Variants in MID1 observed in about 807,000 individuals in gnomAD.
MID1 encodes E3 ubiquitin-protein ligase Midline-1.
A neutral mutation model predicts 40.4 loss-of-function variants in MID1; 7 were observed. The ratio of observed to expected loss-of-function variants is 0.17; its 90% confidence interval spans 0.10 to 0.33. The LOEUF (loss-of-function observed/expected upper bound fraction) is 0.33, where lower values mean the gene tolerates loss of function less well. MID1 is among the 10% of genes least tolerant of loss of function. The pLI, the probability that MID1 is intolerant of heterozygous loss-of-function variation, is 1.00. For synonymous variants in MID1, 229 were observed against 221.2 expected (o/e 1.04, Z -0.31); for missense variants, 367 against 558.5 (o/e 0.66, Z 3.46).
chrX:10,767,903 A>T (rs1259565427), intron 1 of MID1, among the ~76,000 whole-genome samples: 10 of 112,235 alleles, frequency 8.9e-5, no homozygotes, highest in Non-Finnish European at 1.9e-4. Context: ...CAATGTATTT[A>T]TTAGATTTAT....
At chrX:10,733,076 A>T (rs1179097164) in intron 1 of MID1, among the ~76,000 whole-genome samples, 1 of 110,331 alleles carries the variant, frequency 9.1e-6, no homozygotes, top group Non-Finnish European at 1.9e-5. Flanking sequence ...GTTAGCCAGG[A>T]TGGTCTCGAT....
intron 1 of MID1, among the ~76,000 whole-genome samples, chrX:10,694,284 T>C (rs1375254675): frequency 8.9e-6 from 1 of 112,276 alleles, no homozygotes; most frequent in Non-Finnish European, 1.9e-5. Flanking sequence ...AAAAAGCCGT[T>C]TGTTTCTTTT....
At chrX:10,613,778 CAG>C (rs1397361573) in intron 1 of MID1, among the ~76,000 whole-genome samples, 1 of 77,375 alleles carries the variant, frequency 1.3e-5, no homozygotes, top group African/African-American at 5.1e-5. Flanking sequence ...GACAGACAGA[CAG>C]ACAGACAGAC....
At chrX:10,530,928 C>T (rs1379094864) in intron 2 of MID1, among the ~76,000 whole-genome samples, 1 of 112,126 alleles carries the variant, frequency 8.9e-6, no homozygotes, top group Non-Finnish European at 1.9e-5. Context: ...CAGGAGATTT[C>T]AGTAATTCCT....
At chrX:10,574,252 A>C (rs937368503) in intron 1 of MID1, among the ~76,000 whole-genome samples, 10 of 111,336 alleles carry the variant, frequency 9.0e-5, no homozygotes, top group Non-Finnish European at 1.7e-4. Flanking sequence ...GAATGATGAG[A>C]TATGACAAAG....
chrX:10,820,136 A>G (rs757700617), intron 1 of MID1, among the ~76,000 whole-genome samples: 1 of 112,242 alleles, frequency 8.9e-6, no homozygotes, highest in Non-Finnish European at 1.9e-5. Flanking sequence ...CATTAAAGTG[A>G]TAGTCTTTGC....
At chrX:10,790,837 AC>A (rs973163038) in intron 1 of MID1, among the ~76,000 whole-genome samples, 8 of 112,095 alleles carry the variant, frequency 7.1e-5, no homozygotes, top group African/African-American at 2.3e-4. Context: ...TTCTTCCACA[AC>A]ACCAAATCAT....
At chrX:10,451,051 TGG>T (rs1928302039) in intron 9 of MID1, among the ~76,000 whole-genome samples, 1 of 111,380 alleles carries the variant, frequency 9.0e-6, no homozygotes, top group Non-Finnish European at 1.9e-5. Context: ...ACTTTAAGAG[TGG>T]TGTGTTTGTT....
At chrX:10,486,182 G>A (rs770664140) in intron 4 of MID1, among the ~76,000 whole-genome samples, 1 of 112,436 alleles carries the variant, frequency 8.9e-6, no homozygotes, top group Non-Finnish European at 1.9e-5. Flanking sequence ...AGGTACTAAC[G>A]TGTAATAATA....
intron 1 of MID1, among the ~76,000 whole-genome samples, chrX:10,730,697 G>A (rs375916847): frequency 0.012 from 1,249 of 106,027 alleles, 20 homozygotes; most frequent in African/African-American, 0.041. Context: ...TCAGCCTCCC[G>A]AGTAGCTGGG....
intron 2 of MID1, among the ~76,000 whole-genome samples, chrX:10,560,595 A>G (rs1427707669): frequency 9.0e-6 from 1 of 111,180 alleles, no homozygotes; most frequent in African/African-American, 3.3e-5. Flanking sequence ...GCAGAGAGCC[A>G]AATCATGAGT....
chrX:10,730,040 T>C (rs1486350801), intron 1 of MID1, among the ~76,000 whole-genome samples: 1 of 105,158 alleles, frequency 9.5e-6, no homozygotes, highest in African/African-American at 3.5e-5. Flanking sequence ...GCCGAGATAG[T>C]GCCACTGCAC....
At chrX:10,473,748 C>T (rs1302970700) in intron 6 of MID1, among the ~76,000 whole-genome samples, 2 of 112,341 alleles carry the variant, frequency 1.8e-5, no homozygotes, top group East Asian at 2.8e-4. Context: ...TTCCTGAAGT[C>T]GCAGGCACTG....
chrX:10,613,758 GAGAGAGAGAGACAGAC>G (rs1456245471), intron 1 of MID1, among the ~76,000 whole-genome samples: 5 of 88,821 alleles, frequency 5.6e-5, no homozygotes, highest in African/African-American at 2.3e-4. Flanking sequence ...GAGAGAGAGA[GAGAGAGAGAGACAGAC>G]AGACAGACAG....
intron 1 of MID1, among the ~76,000 whole-genome samples, chrX:10,701,601 C>T (rs984242354): frequency 1.8e-5 from 2 of 112,495 alleles, no homozygotes; most frequent in Admixed American, 1.9e-4. Context: ...AAGAGTAAAA[C>T]ATCTGGAAGT....
At chrX:10,777,697 C>T (rs950939581) in intron 1 of MID1, among the ~76,000 whole-genome samples, 40 of 110,090 alleles carry the variant, frequency 3.6e-4, no homozygotes, top group Non-Finnish European at 5.7e-4. Context: ...TGTGCCACCA[C>T]GCCTGGCTAA....
rs758040111 is a variant in MID1 at position 10,640,725 on chromosome X, C to T, written c.-186-20306G>A. The stretch of plus-strand genomic sequence containing the variant: ...AACAGAATATACATTCTTCTCAGCA[C>T]CACACCACACTTATTCCAAAATTGA... On this transcript the variant is annotated intron_variant, in intron 1 of 10. Transcript: ENST00000380785. Among the ~76,000 whole-genome samples the T allele has an allele frequency of 2.7e-3, 299 of 111,025 alleles. 1 individual carries two copies. Among genetic ancestry groups the T allele is most frequent in the African/African-American group, 9.2e-3 (282 of 30,498 alleles).
chrX:10,637,623 TA>T (rs1235106806), intron 1 of MID1, among the ~76,000 whole-genome samples: 292 of 94,317 alleles, frequency 3.1e-3, no homozygotes, highest in Middle Eastern at 5.2e-3. Context: ...AGACTCCATC[TA>T]AAAAAAAAAA....
chrX:10,560,619 C>G (rs939100531), intron 2 of MID1, among the ~76,000 whole-genome samples: 9 of 110,545 alleles, frequency 8.1e-5, no homozygotes, highest in Non-Finnish European at 1.1e-4. Context: ...CTCCCATTCA[C>G]AATTGCTACA....
Sources: gnomAD v4.1 joint callset for allele counts (sites outside exome capture counted in the v4.1 genomes callset) on GRCh38, gnomAD v4.1.1 for gene constraint, MANE v1.5 for transcripts, NCBI Gene and HGNC (gene_info 2026-07-23, HGNC 2026-07-21) for gene names.